PTPRJ: variants seen among roughly 807,000 people sequenced by gnomAD.
PTPRJ encodes protein tyrosine phosphatase receptor type J.
Under a neutral mutation model 141.3 loss-of-function variants are expected in PTPRJ, and 129 were observed. That is an observed-to-expected ratio of 0.91 (90% confidence interval 0.79 to 1.06). The LOEUF (loss-of-function observed/expected upper bound fraction) is 1.06, where lower values mean the gene tolerates loss of function less well. PTPRJ is among the 50% of genes least tolerant of loss of function. The pLI is 0.00. For synonymous variants in PTPRJ, 610 were observed against 640.5 expected (o/e 0.95, Z 0.72); for missense variants, 1,601 against 1,679.7 (o/e 0.95, Z 0.82).
chr11:48,132,528 G>C (rs1380117041), intron 8 of PTPRJ: 1 of 981,696 alleles, frequency 1.0e-6, no homozygotes, highest in Non-Finnish European at 1.2e-6. Context: ...AGTCTTCCTT[G>C]ATCTAAGATT....
chr11:48,035,621 CAG>C (rs1207203815), intron 1 of PTPRJ, among the ~76,000 whole-genome samples: 1 of 124,394 alleles, frequency 8.0e-6, no homozygotes, highest in Non-Finnish European at 1.6e-5. Flanking sequence ...CGTTGTATTA[CAG>C]AGAGTCACAG....
chr11:48,013,376 A>G (rs1229234141), intron 1 of PTPRJ, among the ~76,000 whole-genome samples: 2 of 152,084 alleles, frequency 1.3e-5, no homozygotes, highest in African/African-American at 4.8e-5. Context: ...GTCTATCAGA[A>G]CCCAGTTCCT....
At chr11:48,054,187 G>A (rs1854692546) in intron 1 of PTPRJ, among the ~76,000 whole-genome samples, 1 of 152,036 alleles carries the variant, frequency 6.6e-6, no homozygotes, top group Admixed American at 6.5e-5. Context: ...GCCCGCCTTG[G>A]CCTCCCAAAG....
chr11:48,065,843 G>T (rs1407662588), intron 1 of PTPRJ, among the ~76,000 whole-genome samples: 1 of 152,212 alleles, frequency 6.6e-6, no homozygotes, highest in Non-Finnish European at 1.5e-5. Context: ...GCCAAGTGAG[G>T]TCTGGGATTT....
Position 48,149,973 on chromosome 11 carries a change from C to T in PTPRJ, c.3042-17C>T, listed in dbSNP as rs1316964799. 2.8e-6 allele frequency: 4 copies of T among 1,441,036 alleles called. No homozygotes were observed. The highest frequency in any genetic ancestry group is 2.2e-4 in the Middle Eastern group (1 of 4,576). 89.3% of individuals were successfully genotyped at this position (1,441,036 alleles called of 1,614,324 possible). On this transcript the variant is annotated splice_polypyrimidine_tract_variant and intron_variant, in intron 16 of 24. Coordinates refer to ENST00000418331, the MANE Select transcript of PTPRJ (RefSeq NM_002843.4). Reference sequence around the variant, plus strand: ...CTTTCTAATTGCATATTTTTTCTTTCCCTTTCTATCATGAAGACCTAAAAA... The same window carrying T: ...CTTTCTAATTGCATATTTTTTCTTTTCCTTTCTATCATGAAGACCTAAAAA...
At chr11:48,053,413 T>A (rs1164677162) in intron 1 of PTPRJ, among the ~76,000 whole-genome samples, 1 of 100,760 alleles carries the variant, frequency 9.9e-6, no homozygotes, top group South Asian at 2.3e-4. Flanking sequence ...ATAATATATA[T>A]AAATATATAT....
At chr11:47,993,087 G>A (rs950709828) in intron 1 of PTPRJ, among the ~76,000 whole-genome samples, 3 of 152,264 alleles carry the variant, frequency 2.0e-5, no homozygotes, top group African/African-American at 2.4e-5. Flanking sequence ...CCTGCAGCAG[G>A]TAAGCAGGAA....
intron 1 of PTPRJ, among the ~76,000 whole-genome samples, chr11:48,057,954 C>T (rs1854804515): frequency 1.3e-5 from 2 of 151,900 alleles, no homozygotes; most frequent in Non-Finnish European, 2.9e-5. Flanking sequence ...CTCTGTCACC[C>T]AGGCTGGAGT....
chr11:48,165,859 T>C (rs939434584), intron 24 of PTPRJ, among the ~76,000 whole-genome samples: 10 of 130,036 alleles, frequency 7.7e-5, no homozygotes, highest in Non-Finnish European at 1.6e-4. Context: ...TATATTTTTC[T>C]CTCCTCTTTT....
At chr11:47,997,203 C>A (rs1161863114) in intron 1 of PTPRJ, among the ~76,000 whole-genome samples, 1 of 152,250 alleles carries the variant, frequency 6.6e-6, no homozygotes, top group Non-Finnish European at 1.5e-5. Flanking sequence ...CCCTCCCCCA[C>A]AGACAAAAAT....
chr11:48,112,767 C>T lies in PTPRJ; in HGVS notation c.136C>T (p.Pro46Ser), dbSNP rs759291981. The change falls in exon 3 of 25, where the codon CCT becomes TCT. Residue 46 changes from proline (P) to serine (S), a missense_variant. By Grantham distance (74) the Pro-to-Ser change is moderately conservative. Coordinates refer to ENST00000418331, the MANE Select transcript of PTPRJ (RefSeq NM_002843.4). ...CATAGCCCCTAGTCCAATTCCTGAC[C>T]CTTCAGTAGCAACTGTTGCCACAGG... The part of the protein sequence containing the change: ...AGGTPSPIPD[P>S]SVATVATGEN... The T allele has an allele frequency of 1.2e-6, 2 of 1,613,874 alleles. No homozygotes were observed. Among genetic ancestry groups the T allele is most frequent in the East Asian group, 4.5e-5 (2 of 44,888 alleles).
intron 14 of PTPRJ, among the ~76,000 whole-genome samples, chr11:48,146,315 C>T (rs1012436252): frequency 6.6e-6 from 1 of 152,160 alleles, no homozygotes; most frequent in African/African-American, 2.4e-5. Context: ...GGGGTGCATC[C>T]CCTACCTTCA....
chr11:48,126,153 A>G (rs993639299), intron 6 of PTPRJ, among the ~76,000 whole-genome samples: 6 of 152,142 alleles, frequency 3.9e-5, no homozygotes, highest in Non-Finnish European at 5.9e-5. Context: ...GCGTCAAGCC[A>G]TGCACCCAGG....
At chr11:48,062,436 C>A (rs1021352322) in intron 1 of PTPRJ, among the ~76,000 whole-genome samples, 3 of 151,922 alleles carry the variant, frequency 2.0e-5, no homozygotes, top group Non-Finnish European at 4.4e-5. Flanking sequence ...TGGCGTGAAC[C>A]CAGGAGGCGG....
intron 1 of PTPRJ, among the ~76,000 whole-genome samples, chr11:48,088,719 T>G (rs974514467): frequency 9.9e-5 from 15 of 152,140 alleles, no homozygotes; most frequent in African/African-American, 3.6e-4. Flanking sequence ...CATAAGAGCT[T>G]CTTATGGCTC....
intron 2 of PTPRJ, among the ~76,000 whole-genome samples, chr11:48,111,563 G>T (rs982760967): frequency 6.6e-6 from 1 of 152,156 alleles, no homozygotes; most frequent in East Asian, 1.9e-4. Context: ...GAGTACTGCC[G>T]TTGGTTTTTC....
intron 1 of PTPRJ, among the ~76,000 whole-genome samples, chr11:47,992,780 G>GT (rs1854229972): frequency 6.6e-6 from 1 of 152,130 alleles, no homozygotes; most frequent in Non-Finnish European, 1.5e-5. Flanking sequence ...GAGTTTGCTG[G>GT]TAAGTATTGT....
At chr11:48,116,981 A>G (rs1013286510) in intron 3 of PTPRJ, among the ~76,000 whole-genome samples, 1 of 152,214 alleles carries the variant, frequency 6.6e-6, no homozygotes. Flanking sequence ...ATGCTTGTAC[A>G]GCCCCTGGTA....
chr11:47,981,705 C>G (rs979811576), intron 1 of PTPRJ, among the ~76,000 whole-genome samples: 2 of 146,328 alleles, frequency 1.4e-5, no homozygotes, highest in African/African-American at 2.5e-5. Context: ...TCTGGCTTCA[C>G]TTTTCAGATA....
Sources: gnomAD v4.1 joint callset for allele counts (sites outside exome capture counted in the v4.1 genomes callset) on GRCh38, gnomAD v4.1.1 for gene constraint, MANE v1.5 for transcripts, NCBI Gene and HGNC (gene_info 2026-07-23, HGNC 2026-07-21) for gene names.